RNF212B: variants seen among roughly 807,000 people sequenced by gnomAD.
The protein encoded by RNF212B is ring finger protein 212B, also known as E3 ubiquitin-protein ligase RNF212B.
In RNF212B, 52 loss-of-function variants were observed where a neutral mutation model predicts 55.5. That is an observed-to-expected ratio of 0.94 (90% CI 0.75 to 1.18). The LOEUF (loss-of-function observed/expected upper bound fraction) is 1.18. Among genes scored for constraint, RNF212B ranks in the 50% most tolerant of loss-of-function variants. RNF212B has a pLI of 0.00. For synonymous variants in RNF212B, 99 were observed against 121.4 expected, an observed-to-expected ratio of 0.82 and a Z score of 1.21; for missense variants, 289 against 350.4, an observed-to-expected ratio of 0.82 and a Z score of 1.40.
In RNF212B at chr14:23,258,659, G is replaced by A; in HGVS notation, c.339G>A (p.Gln113=). 7.0e-7 allele frequency: 1 copy of A among 1,437,434 alleles called. No homozygotes were observed. Among genetic ancestry groups the A allele is most frequent in the Non-Finnish European group, 9.4e-7 (1 of 1,066,986 alleles). 89.0% of individuals were successfully genotyped at this position (1,437,434 alleles called of 1,614,324 possible). Residue 113 remains glutamine (Q), a synonymous_variant, in exon 5 of 15, where the codon CAG becomes CAA. Coordinates refer to ENST00000430154, the MANE Select transcript of RNF212B (RefSeq NM_001282322.3). ...MQEAQQALVS[Q]DKELSVLRKE... ...AGGCACAGCAAGCACTGGTGAGCCA[G>A]GACAAGTAAGTAACAAATCAAGTCC...
chr14:23,228,462 C>CAAAAAAAAA (rs776673043), intron 2 of RNF212B, among the ~76,000 whole-genome samples: 1 of 76,098 alleles, frequency 1.3e-5, no homozygotes. Context: ...CTATCTCTAC[C>CAAAAAAAAA]AAAAAAAAAA....
intron 2 of RNF212B, among the ~76,000 whole-genome samples, chr14:23,231,185 TC>T (rs1191062096): frequency 9.2e-5 from 14 of 152,352 alleles, no homozygotes; most frequent in Middle Eastern, 6.8e-3. Flanking sequence ...TGACATTGAA[TC>T]CGTATATAGC....
At position 23,244,374 on chromosome 14, in the gene RNF212B, A is replaced by G. The variant is rs1242164245; in HGVS notation, c.206A>G (p.Gln69Arg). The G allele has an allele frequency of 1.3e-6, 2 of 1,545,344 alleles. No individual in the cohort carries two copies. Among genetic ancestry groups the G allele is most frequent in the Admixed American group, 4.0e-5 (2 of 50,562 alleles). The part of the protein sequence containing the change: ...FFKSPVETAL[Q>R]YFSHISQVWS... ...AAAAGTCCTGTGGAGACAGCTTTGC[A>G]GTATTTTAGTCACATCTCTCAGGTA... The change falls in exon 4 of 15, where the codon CAG (glutamine) becomes CGG (arginine). Residue 69 changes from glutamine (Q) to arginine (R), a missense_variant. Gln to Arg is a conservative substitution (Grantham distance 43). Transcript: ENST00000430154.
intron 2 of RNF212B, among the ~76,000 whole-genome samples, chr14:23,229,259 T>TATATATATATATATATAC (rs1434448490): frequency 5.7e-5 from 7 of 122,490 alleles, no homozygotes; most frequent in African/African-American, 1.9e-4. Flanking sequence ...TATATATATA[T>TATATATATATATATATAC]ATACCACATT....
intron 2 of RNF212B, among the ~76,000 whole-genome samples, chr14:23,225,081 CA>C (rs374813233): frequency 1.2e-4 from 18 of 146,346 alleles, no homozygotes; most frequent in Middle Eastern, 3.4e-3. Context: ...CCACCCCACA[CA>C]AAAAAAAAAC....
At chr14:23,226,492 A>G (rs1244075065) in intron 2 of RNF212B, among the ~76,000 whole-genome samples, 9 of 148,536 alleles carry the variant, frequency 6.1e-5, no homozygotes, top group South Asian at 2.2e-4. Context: ...TTAGCCGGAC[A>G]TGGCGGCGTG....
chr14:23,243,176 A>G, intron 2 of RNF212B, 80 bp from the exon 3 acceptor site: 2 of 997,118 alleles, frequency 2.0e-6, no homozygotes, highest in Non-Finnish European at 1.5e-6. Context: ...AGCATACTAG[A>G]TTGTTGCCAT....
chr14:23,263,134 A>T (rs1236174681), intron 9 of RNF212B, among the ~76,000 whole-genome samples, 164 bp downstream of exon 9: 1 of 152,122 alleles, frequency 6.6e-6, no homozygotes, highest in Admixed American at 6.5e-5. Flanking sequence ...GCTTTATTAA[A>T]GATACTGTCC....
chr14:23,245,401 A>C (rs1167253418), intron 4 of RNF212B, among the ~76,000 whole-genome samples: 2 of 152,196 alleles, frequency 1.3e-5, no homozygotes, highest in East Asian at 3.8e-4. Context: ...GGTCATAGGA[A>C]CAAGAGAAAG....
At chr14:23,270,541 A>G (rs978137171) in intron 13 of RNF212B, 59 bp from the exon 14 acceptor site, 6 of 1,230,538 alleles carry the variant, frequency 4.9e-6, no homozygotes, top group East Asian at 5.1e-5. Context: ...ACCCACAAGT[A>G]ACACTGCCGA....
At chr14:23,252,852 A>T (rs1261532497) in intron 4 of RNF212B, among the ~76,000 whole-genome samples, 1 of 152,212 alleles carries the variant, frequency 6.6e-6, no homozygotes, top group Non-Finnish European at 1.5e-5. Flanking sequence ...GAGAACAATG[A>T]GGATGCAAAT....
intron 4 of RNF212B, among the ~76,000 whole-genome samples, chr14:23,257,343 A>C (rs1884921140): frequency 6.6e-6 from 1 of 151,390 alleles, no homozygotes. Context: ...TTTTCTTTTC[A>C]CAGCTTAAAA....
chr14:23,213,790 GA>G (rs1393053677), intron 2 of RNF212B, among the ~76,000 whole-genome samples: 4 of 152,138 alleles, frequency 2.6e-5, no homozygotes, highest in Non-Finnish European at 5.9e-5. Flanking sequence ...GAGAGAAAAT[GA>G]TTCAGCCTCA....
chr14:23,240,338 G>A lies in RNF212B; in HGVS notation c.-1-7G>A. 2 of 1,530,946 alleles carry A rather than the reference G, an allele frequency of 1.3e-6. No homozygotes were observed. Among genetic ancestry groups the A allele is most frequent in the Non-Finnish European group, 1.8e-6 (2 of 1,129,724 alleles). 94.8% of individuals were successfully genotyped at this position (1,530,946 alleles called of 1,614,324 possible). A position where few individuals can be genotyped will look rare whatever the true frequency, so the allele number is the denominator to read the frequency against. The stretch of plus-strand genomic sequence containing the variant: ...TTATTCTTACTCTTTCTCTTTATCT[G>A]CTCCAGAATGGATTGGTTTCATTGC... On this transcript the variant is annotated splice_region_variant and splice_polypyrimidine_tract_variant and intron_variant, in intron 1 of 14. Coordinates refer to ENST00000430154, the MANE Select transcript of RNF212B (RefSeq NM_001282322.3).
At chr14:23,264,908 G>T (rs1022161407) in intron 11 of RNF212B, among the ~76,000 whole-genome samples, 1 of 149,458 alleles carries the variant, frequency 6.7e-6, no homozygotes, top group African/African-American at 2.5e-5. Flanking sequence ...CACATCCTCC[G>T]CCTCCCATGT....
intron 4 of RNF212B, among the ~76,000 whole-genome samples, chr14:23,248,991 T>C (rs1161440906): frequency 6.6e-6 from 1 of 152,202 alleles, no homozygotes; most frequent in South Asian, 2.1e-4. Context: ...ATAGACAGCA[T>C]GTAAGCAGCC....
At chr14:23,197,855 C>T (rs1006512473) in intron 2 of RNF212B, among the ~76,000 whole-genome samples, 3 of 149,952 alleles carry the variant, frequency 2.0e-5, no homozygotes, top group East Asian at 2.0e-4. Flanking sequence ...AGAGAGTCAG[C>T]GAAGGGAGAT....
At chr14:23,209,984 CT>C (rs1392318014) in intron 2 of RNF212B, among the ~76,000 whole-genome samples, 1 of 152,108 alleles carries the variant, frequency 6.6e-6, no homozygotes, top group African/African-American at 2.4e-5. Context: ...GAAACCCTGT[CT>C]CTGTTAAAAA....
intron 11 of RNF212B, among the ~76,000 whole-genome samples, chr14:23,266,404 G>GTTTTTTTTTTTTTTTTTTTTTTTTTATT (rs57731750): frequency 2.1e-5 from 1 of 46,872 alleles, no homozygotes; most frequent in Non-Finnish European, 3.6e-5. Flanking sequence ...CCTTTTAAAT[G>GTTTTTTTTTTTTTTTTTTTTTTTTTATT]TTTTTTTTTT....
Sources: allele counts gnomAD v4.1 joint callset (sites outside exome capture counted in the v4.1 genomes callset), GRCh38; gene constraint gnomAD v4.1.1; transcripts MANE v1.5; gene names NCBI Gene and HGNC (gene_info 2026-07-23, HGNC 2026-07-21).